NFYC: variants seen among roughly 807,000 people sequenced by gnomAD.
NFYC encodes the protein CAAT box DNA-binding protein subunit C.
NFYC carries 25 observed loss-of-function variants against 53.1 expected under a neutral mutation model. The ratio of observed to expected loss-of-function variants is 0.47; its 90% confidence interval spans 0.34 to 0.66. The LOEUF (loss-of-function observed/expected upper bound fraction) is 0.66, where lower values mean the gene tolerates loss of function less well. Ranked by LOEUF, NFYC falls within the 30% of genes least tolerant of loss-of-function variation. NFYC has a pLI of 0.01. For missense variants in NFYC, 260 were observed against 422.7 expected (o/e 0.62, Z 3.38); for synonymous variants, 145 against 152.6 (o/e 0.95, Z 0.37).
intron 1 of NFYC, among the ~76,000 whole-genome samples, chr1:40,736,852 C>T (rs1190731239): frequency 8.5e-5 from 11 of 128,682 alleles, no homozygotes; most frequent in African/African-American, 2.9e-4. Flanking sequence ...AAAGGCTGGG[C>T]GCGGTGGCTC....
intron 6 of NFYC, among the ~76,000 whole-genome samples, chr1:40,761,654 C>T (rs543137662): frequency 1.4e-4 from 22 of 152,240 alleles, no homozygotes; most frequent in Non-Finnish European, 3.1e-4. Context: ...GTAATTTCTC[C>T]GTAGTAATCC....
intron 1 of NFYC, among the ~76,000 whole-genome samples, chr1:40,728,885 G>A (rs539948493): frequency 3.3e-5 from 5 of 152,282 alleles, no homozygotes; most frequent in East Asian, 1.9e-4. Flanking sequence ...TTATCCGCCC[G>A]CCTTGGCCTC....
intron 1 of NFYC, among the ~76,000 whole-genome samples, chr1:40,704,079 G>A (rs1008352772): frequency 1.1e-5 from 1 of 93,452 alleles, no homozygotes; most frequent in Non-Finnish European, 2.1e-5. Flanking sequence ...AGTGATTTAA[G>A]TGTTTTTTTT....
chr1:40,768,022 C>A (rs1415808276), intron 8 of NFYC, among the ~76,000 whole-genome samples: 1 of 151,934 alleles, frequency 6.6e-6, no homozygotes, highest in Non-Finnish European at 1.5e-5. Context: ...AGAACTAAAG[C>A]CAAAAAATGG....
intron 1 of NFYC, among the ~76,000 whole-genome samples, chr1:40,732,934 GA>G (rs1411060116): frequency 6.6e-6 from 1 of 151,074 alleles, no homozygotes; most frequent in Non-Finnish European, 1.5e-5. Context: ...TAAGCTTCTG[GA>G]ATAGCTTGTG....
intron 1 of NFYC, among the ~76,000 whole-genome samples, chr1:40,701,799 C>T (rs1442820128): frequency 6.6e-6 from 1 of 152,102 alleles, no homozygotes; most frequent in Non-Finnish European, 1.5e-5. Context: ...ATTTATTGAA[C>T]AAATGAAATT....
chr1:40,758,619 C>T (rs1227097012), intron 6 of NFYC, among the ~76,000 whole-genome samples: 1 of 152,158 alleles, frequency 6.6e-6, no homozygotes, highest in Non-Finnish European at 1.5e-5. Context: ...AAGTGAACTC[C>T]ATGCCTGCTG....
At chr1:40,734,962 G>A (rs1239343248) in intron 1 of NFYC, 1 of 152,094 alleles carries the variant, frequency 6.6e-6, no homozygotes, top group Non-Finnish European at 1.5e-5. Flanking sequence ...AATCATAAAG[G>A]CCATAACTCT....
At chr1:40,724,759 C>T (rs957262275) in intron 1 of NFYC, among the ~76,000 whole-genome samples, 19 of 151,948 alleles carry the variant, frequency 1.3e-4, no homozygotes, top group Non-Finnish European at 2.5e-4. Flanking sequence ...ATGATCTGGC[C>T]CCTGTTTCAA....
rs1330019791 is a variant in NFYC, at chr1:40,737,348, C to T, written c.-8-1488C>T. ...TTTAATTCTACTTTTTTTTTTTTTG[C>T]GATGGAGTCTTGCTCTGTTGCCCAG... is the stretch of plus-strand genomic sequence containing the variant. On this transcript the variant is annotated intron_variant, in intron 1 of 9. Transcript: ENST00000447388. Among the ~76,000 whole-genome samples, 8 of 111,310 alleles carry T rather than the reference C, an allele frequency of 7.2e-5. No individual in the cohort carries two copies. The South Asian group carries it at 1.8e-3, about 25-fold the overall frequency. The allele number at this position is 111,310 out of a possible 152,430, so 73.0% of individuals were successfully genotyped here.
intron 1 of NFYC, among the ~76,000 whole-genome samples, chr1:40,707,527 G>A (rs1643760665): frequency 6.6e-6 from 1 of 150,778 alleles, no homozygotes; most frequent in Non-Finnish European, 1.5e-5. Flanking sequence ...TCCTCGTCCA[G>A]GCACAGTGGC....
chr1:40,703,607 TC>T (rs1252815288), intron 1 of NFYC, among the ~76,000 whole-genome samples: 4 of 151,800 alleles, frequency 2.6e-5, no homozygotes. Context: ...TTTTCCTCAA[TC>T]CCTGCTACTC....
At chr1:40,693,650 G>A (rs1642965744) in intron 1 of NFYC, among the ~76,000 whole-genome samples, 1 of 152,218 alleles carries the variant, frequency 6.6e-6, no homozygotes, top group Admixed American at 6.5e-5. Flanking sequence ...GGATCAGAGA[G>A]TTTAAGTAGC....
At chr1:40,705,719 CATT>C (rs1445811742) in intron 1 of NFYC, among the ~76,000 whole-genome samples, 5 of 152,098 alleles carry the variant, frequency 3.3e-5, no homozygotes, top group Non-Finnish European at 7.4e-5. Context: ...TCAAATTTAA[CATT>C]AGTCAGATTT....
At chr1:40,732,302 A>G (rs1644811604) in intron 1 of NFYC, among the ~76,000 whole-genome samples, 1 of 152,234 alleles carries the variant, frequency 6.6e-6, no homozygotes. Flanking sequence ...TCATATTGCA[A>G]TAAAACCTTA....
intron 8 of NFYC, 69 bp downstream of exon 8, chr1:40,766,772 C>T (rs755874297): frequency 8.5e-6 from 13 of 1,520,712 alleles, no homozygotes; most frequent in South Asian, 3.4e-5. Context: ...AGGAAAGGAG[C>T]GCTCAGCACA....
At chr1:40,740,923 A>ATT (rs111415840) in intron 2 of NFYC, among the ~76,000 whole-genome samples, 4 of 140,830 alleles carry the variant, frequency 2.8e-5, no homozygotes, top group Admixed American at 7.1e-5. Flanking sequence ...TTGGACTTTG[A>ATT]TTTTTTTTTT....
intron 4 of NFYC, among the ~76,000 whole-genome samples, chr1:40,751,111 A>G (rs1313551520): frequency 6.6e-6 from 1 of 152,210 alleles, no homozygotes; most frequent in Non-Finnish European, 1.5e-5. Flanking sequence ...TACTACCTCA[A>G]AACTGGAAAC....
chr1:40,713,812 T>G (rs1644023933), intron 1 of NFYC, among the ~76,000 whole-genome samples: 1 of 152,222 alleles, frequency 6.6e-6, no homozygotes, highest in Non-Finnish European at 1.5e-5. Flanking sequence ...TTCATGTTTC[T>G]TTTCTTTTTG....
Sources: gnomAD v4.1 joint callset for allele counts (sites outside exome capture counted in the v4.1 genomes callset) on GRCh38, gnomAD v4.1.1 for gene constraint, MANE v1.5 for transcripts, NCBI Gene and HGNC (gene_info 2026-07-23, HGNC 2026-07-21) for gene names.